DNAH6: variants seen among roughly 807,000 people sequenced by gnomAD.
The protein encoded by DNAH6 is dynein axonemal heavy chain 6, also known as axonemal beta dynein heavy chain 6.
A neutral mutation model predicts 491.4 loss-of-function variants in DNAH6; 340 were observed. The ratio of observed to expected loss-of-function variants is 0.69; its 90% CI spans 0.63 to 0.76. DNAH6 has a LOEUF of 0.76. DNAH6 is among the 30% of genes least tolerant of loss of function. The pLI, the probability that DNAH6 is intolerant of heterozygous loss-of-function variation, is 0.00. For synonymous variants in DNAH6, 1,603 were observed against 1,686.1 expected (o/e 0.95, Z 1.21); for missense variants, 4,443 against 4,972.2 (o/e 0.89, Z 3.20).
chr2:84,801,217 G>A (rs1410192519), intron 70 of DNAH6, among the ~76,000 whole-genome samples: 1 of 145,838 alleles, frequency 6.9e-6, no homozygotes, highest in Non-Finnish European at 1.5e-5. Context: ...TGCACAATGT[G>A]CACATGTACC....
chr2:84,587,734 T>G (rs1683707984), intron 15 of DNAH6, among the ~76,000 whole-genome samples: 1 of 152,152 alleles, frequency 6.6e-6, no homozygotes, highest in Admixed American at 6.5e-5. Context: ...CTATTGGGCG[T>G]TTTTTCACCT....
At chr2:84,622,845 TTTTG>T (rs1430350285) in intron 26 of DNAH6, among the ~76,000 whole-genome samples, 7 of 152,332 alleles carry the variant, frequency 4.6e-5, no homozygotes, top group Middle Eastern at 3.4e-3. Flanking sequence ...ATGGGTTATC[TTTTG>T]TTTTTTTGAT....
At chr2:84,579,810 T>G in intron 14 of DNAH6, 131 bp downstream of exon 14, 1 of 770,666 alleles carries the variant, frequency 1.3e-6, no homozygotes, top group Non-Finnish European at 2.0e-6. Context: ...TCAAAGTAAG[T>G]GGATGTTCTA....
At position 84,531,355 on chromosome 2, in the gene DNAH6, T is replaced by TA. The variant is rs1677160462; in HGVS notation, c.662+2189_662+2190insA. ...TTTTTTTATTTTTTATTTTTTTTTA[T>TA]TTTTTTTTTTTTTGAGACGGAGTCT... On this transcript the variant is annotated intron_variant, in intron 4 of 76. Coordinates refer to ENST00000389394, the MANE Select transcript of DNAH6 (RefSeq NM_001370.2). 2.0e-3 allele frequency among the ~76,000 whole-genome samples: 3 copies of TA among 1,486 alleles called. 1 individual carries two copies. The highest frequency in any genetic ancestry group is 0.012 in the Admixed American group (1 of 84). The allele number at this position is 1,486 out of a possible 152,430, so 1.0% of individuals were successfully genotyped here.
Position 84,567,634 on chromosome 2 carries a change from T to C in DNAH6, c.1804-5833T>C, listed in dbSNP as rs138031915. 4.5e-4 allele frequency among the ~76,000 whole-genome samples: 69 copies of C among 152,234 alleles called. 1 individual carries two copies. The East Asian group carries it at 0.011, about 24-fold the overall frequency. On this transcript the variant is annotated intron_variant, in intron 11 of 76. Transcript: ENST00000389394. ...GACTGGACCCCTTCCTTACACCTTATACAAAAATTAACTCAAGATGGATTA... is the reference window on the plus strand; with the variant it reads ...GACTGGACCCCTTCCTTACACCTTACACAAAAATTAACTCAAGATGGATTA...
chr2:84,685,328 A>G lies in DNAH6; in HGVS notation c.6919A>G (p.Ile2307Val). Reference sequence around the variant, plus strand: ...TTTTTCCTTTTCTTAAAAAACAGGTATCCTCCAATGTGATCCAGGAACAAT... The same window carrying G: ...TTTTTCCTTTTCTTAAAAAACAGGTGTCCTCCAATGTGATCCAGGAACAAT... ...LRDLSKCVQG[I>V]LQCDPGTIRE... is the part of the protein sequence containing the mutation. The change falls in exon 43 of 77, where the codon ATC (isoleucine) becomes GTC (valine). Residue 2307 changes from isoleucine (I) to valine (V), a missense_variant and splice_region_variant. By Grantham distance (29) the Ile-to-Val change is conservative. This residue lies in a region of DNAH6 where 2,977 missense variants were observed against 3,296.6 expected (regional missense o/e 0.90). Coordinates refer to ENST00000389394, the MANE Select transcript of DNAH6 (RefSeq NM_001370.2). 4.1e-6 allele frequency: 6 copies of G among 1,456,592 alleles called. No homozygotes were observed. Among genetic ancestry groups the G allele is most frequent in the Non-Finnish European group, 4.6e-6 (5 of 1,098,108 alleles). 90.2% of individuals were successfully genotyped at this position (1,456,592 alleles called of 1,614,324 possible).
chr2:84,596,207 G>C (rs1200900794), intron 18 of DNAH6, among the ~76,000 whole-genome samples: 1 of 152,190 alleles, frequency 6.6e-6, no homozygotes, highest in Non-Finnish European at 1.5e-5. Flanking sequence ...TGGGAAGCCA[G>C]GCTGCAGGTG....
intron 24 of DNAH6, among the ~76,000 whole-genome samples, chr2:84,620,115 GT>G (rs1233106455): frequency 6.6e-6 from 1 of 152,100 alleles, no homozygotes; most frequent in African/African-American, 2.4e-5. Flanking sequence ...ACAAAAACAT[GT>G]GTTCTGTTGC....
At chr2:84,598,592 A>G (rs1196712909) in intron 18 of DNAH6, among the ~76,000 whole-genome samples, 1 of 152,218 alleles carries the variant, frequency 6.6e-6, no homozygotes, top group Non-Finnish European at 1.5e-5. Flanking sequence ...TGTTTTCCAA[A>G]GAACTGCAAC....
chr2:84,676,100 A>T (rs911777637), intron 40 of DNAH6, among the ~76,000 whole-genome samples: 1 of 152,218 alleles, frequency 6.6e-6, no homozygotes, highest in Non-Finnish European at 1.5e-5. Context: ...GAAGATTCTC[A>T]TGCTCACAAA....
In DNAH6 at chr2:84,699,611, C is replaced by G. The variant is rs759440151; in HGVS notation, c.7695C>G (p.Ile2565Met). The change falls in exon 48 of 77, where the codon ATC (isoleucine) becomes ATG (methionine). Residue 2565 changes from isoleucine (I) to methionine (M), a missense_variant. This residue lies in a region of DNAH6 where 2,977 missense variants were observed against 3,296.6 expected (regional missense o/e 0.90). Coordinates refer to ENST00000389394, the MANE Select transcript of DNAH6 (RefSeq NM_001370.2). Reference sequence around the variant, plus strand: ...TTTGTCAGGTGTTTCAATACTTTATCAGCAAAGTGCGTCAGAAGCTGCACA... The same window carrying G: ...TTTGTCAGGTGTTTCAATACTTTATGAGCAAAGTGCGTCAGAAGCTGCACA... ...GNRDEVFQYF[I>M]SKVRQKLHIV... The G allele has an allele frequency of 1.3e-6, 2 of 1,549,620 alleles. No homozygotes were observed. Among genetic ancestry groups the G allele is most frequent in the Non-Finnish European group, 1.7e-6 (2 of 1,146,402 alleles).
intron 2 of DNAH6, among the ~76,000 whole-genome samples, chr2:84,522,401 G>A (rs896856471): frequency 1.3e-5 from 2 of 152,042 alleles, no homozygotes; most frequent in African/African-American, 2.4e-5. Flanking sequence ...TCTAGATATA[G>A]AATCATGTCA....
At chr2:84,703,636 T>C in intron 50 of DNAH6, 74 bp downstream of exon 50, 3 of 1,249,792 alleles carry the variant, frequency 2.4e-6, no homozygotes, top group East Asian at 2.7e-5. Flanking sequence ...TGAGACACGA[T>C]TGGATTTTTT....
chr2:84,538,549 T>G (rs1677931767), intron 4 of DNAH6, among the ~76,000 whole-genome samples: 1 of 152,156 alleles, frequency 6.6e-6, no homozygotes, highest in African/African-American at 2.4e-5. Context: ...CCATGTCTCC[T>G]ATACCTCAGT....
chr2:84,615,076 G>A (rs556199504), intron 22 of DNAH6, among the ~76,000 whole-genome samples: 8 of 151,958 alleles, frequency 5.3e-5, no homozygotes, highest in African/African-American at 1.9e-4. Flanking sequence ...AGTTTTGGTC[G>A]CATTTGCCTT....
the DNAH6 span, among the ~76,000 whole-genome samples, chr2:84,504,577 G>T: frequency 6.6e-6 from 1 of 152,142 alleles, no homozygotes; most frequent in Admixed American, 6.5e-5. Context: ...ATATTTGAAA[G>T]GACTTGGGTG....
At chr2:84,739,218 G>A (rs1314153020) in intron 62 of DNAH6, among the ~76,000 whole-genome samples, 2 of 152,058 alleles carry the variant, frequency 1.3e-5, no homozygotes, top group African/African-American at 2.4e-5. Flanking sequence ...AGTCTTATAG[G>A]TTTCCCTTTA....
intron 11 of DNAH6, among the ~76,000 whole-genome samples, chr2:84,573,244 G>A (rs575684960): frequency 5.7e-4 from 87 of 152,154 alleles, no homozygotes; most frequent in Non-Finnish European, 1.0e-4. Flanking sequence ...CAAAAGTCAG[G>A]TTTAAAGATG....
intron 17 of DNAH6, among the ~76,000 whole-genome samples, chr2:84,595,432 C>A (rs1027910101): frequency 1.3e-5 from 2 of 151,984 alleles, no homozygotes; most frequent in African/African-American, 4.8e-5. Context: ...TACGGAGATT[C>A]CAGTACTACA....
Sources: allele counts gnomAD v4.1 joint callset (sites outside exome capture counted in the v4.1 genomes callset), GRCh38; gene constraint gnomAD v4.1.1; regional missense constraint gnomAD v4.1.1; transcripts MANE v1.5; gene names NCBI Gene and HGNC (gene_info 2026-07-23, HGNC 2026-07-21).